Variants in SUMF1 observed in about 807,000 individuals in gnomAD.
SUMF1 encodes formylglycine-generating enzyme.
SUMF1 carries 48 observed loss-of-function variants against 47.6 expected under a neutral mutation model. The ratio of observed to expected loss-of-function variants is 1.01; its 90% CI spans 0.80 to 1.28. SUMF1 has a LOEUF of 1.28. Among genes scored for constraint, SUMF1 ranks in the 50% most tolerant of loss-of-function variants. The pLI, the probability that SUMF1 is intolerant of heterozygous loss-of-function variation, is 0.00. For synonymous variants in SUMF1, 230 were observed against 192.1 expected, an observed-to-expected ratio of 1.20 and a Z score of -1.63; for missense variants, 571 against 485.4, an observed-to-expected ratio of 1.18 and a Z score of -1.66.
intron 8 of SUMF1, among the ~76,000 whole-genome samples, chr3:4,294,983 T>G (rs1483064190): frequency 1.3e-5 from 2 of 152,186 alleles, no homozygotes; most frequent in African/African-American, 2.4e-5. Flanking sequence ...CTTACTGAGA[T>G]AATGAAAAAG....
intron 8 of SUMF1, among the ~76,000 whole-genome samples, chr3:4,284,452 G>GGAGGAGGAT: frequency 7.1e-6 from 1 of 141,096 alleles, no homozygotes; most frequent in African/African-American, 2.5e-5. Flanking sequence ...AGGAGGAGGA[G>GGAGGAGGAT]GAGGAGGAGG....
rs201516400 is a variant in SUMF1 at position 4,135,994 on chromosome 3, G to C, written c.1015-67249C>G. 1.2e-3 allele frequency among the ~76,000 whole-genome samples: 177 copies of C among 152,198 alleles called. 3 individuals carry two copies. The highest frequency in any genetic ancestry group is 1.2e-3 in the East Asian group (6 of 5,170). ...TAAAAGAGGATACAAACAAATGGAA[G>C]AACATTCCATGCTCATGAGTAGGAA... On this transcript the variant is annotated intron_variant and NMD_transcript_variant, in intron 8 of 12. Transcript: ENST00000448413.
intron 8 of SUMF1, among the ~76,000 whole-genome samples, chr3:4,249,659 A>G (rs13082951): frequency 2.0e-5 from 3 of 151,920 alleles, no homozygotes; most frequent in African/African-American, 7.3e-5. Flanking sequence ...AATTATGCCA[A>G]CTAATAACCC....
At chr3:4,365,171 G>A (rs1458744143) in intron 8 of SUMF1, among the ~76,000 whole-genome samples, 5 of 131,156 alleles carry the variant, frequency 3.8e-5, no homozygotes, top group Admixed American at 7.5e-5. Flanking sequence ...GTGGTGTGGT[G>A]CTGAAAAAAA....
chr3:4,369,393 T>G lies in SUMF1; in HGVS notation c.1014+6937A>C, dbSNP rs868481582. On this transcript the variant is annotated intron_variant, in intron 8 of 8. Transcript: ENST00000272902. ...CTAGAGGTGACCATGCAGGAAGACA[T>G]AGCAAAAGCCTCATTCCATGCAGGG... is the stretch of plus-strand genomic sequence containing the variant. Among the ~76,000 whole-genome samples the G allele has an allele frequency of 2.8e-4, 43 of 152,286 alleles. No homozygotes were observed. In the Middle Eastern group the frequency reaches 0.024, roughly 84 times the overall value.
intron 9 of SUMF1, among the ~76,000 whole-genome samples, chr3:4,048,253 T>A (rs1252614658): frequency 6.6e-6 from 1 of 152,164 alleles, no homozygotes; most frequent in African/African-American, 2.4e-5. Flanking sequence ...TCCTCTGCAT[T>A]GGTCATATAG....
At chr3:4,455,754 A>G (rs1423865084) in intron 1 of SUMF1, among the ~76,000 whole-genome samples, 2 of 152,130 alleles carry the variant, frequency 1.3e-5, no homozygotes, top group Admixed American at 1.3e-4. Flanking sequence ...TCCATCAAGA[A>G]AAGCCCAGAA....
intron 1 of SUMF1, among the ~76,000 whole-genome samples, chr3:4,464,692 C>A (rs1178245301): frequency 1.3e-5 from 2 of 152,104 alleles, no homozygotes; most frequent in African/African-American, 4.8e-5. Context: ...CAGAATTAGA[C>A]CAAAGTCATC....
chr3:4,427,910 T>G (rs760632378), intron 3 of SUMF1, among the ~76,000 whole-genome samples: 1 of 152,264 alleles, frequency 6.6e-6, no homozygotes, highest in African/African-American at 2.4e-5. Flanking sequence ...TCAGTTAAGA[T>G]CTGCATAATT....
At chr3:4,271,673 T>C (rs1278967090) in intron 8 of SUMF1, among the ~76,000 whole-genome samples, 1 of 152,126 alleles carries the variant, frequency 6.6e-6, no homozygotes, top group African/African-American at 2.4e-5. Context: ...AGCTAATTAA[T>C]TTTATTTTGT....
intron 8 of SUMF1, among the ~76,000 whole-genome samples, chr3:4,255,749 T>C (rs1484332900): frequency 1.6e-5 from 2 of 128,972 alleles, no homozygotes; most frequent in African/African-American, 6.4e-5. Flanking sequence ...TGAACTCAGC[T>C]CTGCACCAAG....
chr3:4,317,031 C>T (rs1162116526), intron 8 of SUMF1: 1 of 1,549,360 alleles, frequency 6.5e-7, no homozygotes, highest in Admixed American at 2.0e-5. Flanking sequence ...GCCTCATCCA[C>T]CGTATTCACC....
At chr3:4,187,105 C>T (rs562483449) in intron 8 of SUMF1, among the ~76,000 whole-genome samples, 2 of 152,216 alleles carry the variant, frequency 1.3e-5, no homozygotes, top group Non-Finnish European at 2.9e-5. Flanking sequence ...CACAATGGCT[C>T]ATGCCTATAA....
At position 4,467,221 on chromosome 3, in the gene SUMF1, C is replaced by T; in HGVS notation, c.25G>A (p.Val9Met). 1.2e-6 allele frequency: 2 copies of T among 1,611,536 alleles called. No individual in the cohort carries two copies. Among genetic ancestry groups the T allele is most frequent in the South Asian group, 1.1e-5 (1 of 90,554 alleles). Residue 9 changes from valine (V) to methionine (M), a missense_variant, in exon 1 of 9, where the codon GTG becomes ATG. By Grantham distance (21) the Val-to-Met change is conservative. Coordinates refer to ENST00000272902, the MANE Select transcript of SUMF1 (RefSeq NM_182760.4). ...CCCAGCTCAGGGCAACGTCCACACA[C>T]CAGCCCTAGTGCGGGCGCAGCCATG... MAAPALGLVCGRCPELGLV... is the reference protein window; with the variant it reads MAAPALGLMCGRCPELGLV...
chr3:4,184,784 G>T (rs1695167251), intron 8 of SUMF1, among the ~76,000 whole-genome samples: 1 of 151,566 alleles, frequency 6.6e-6, no homozygotes, highest in South Asian at 2.1e-4. Flanking sequence ...GAGTAGCTGG[G>T]ATTACAGGCA....
chr3:4,412,950 T>A (rs17040652), intron 6 of SUMF1, among the ~76,000 whole-genome samples: 1 of 152,092 alleles, frequency 6.6e-6, no homozygotes, highest in Non-Finnish European at 1.5e-5. Context: ...TCCAGACTTA[T>A]AGAGCACAGG....
At chr3:4,405,382 G>A (rs533105503) in intron 7 of SUMF1, among the ~76,000 whole-genome samples, 1 of 152,088 alleles carries the variant, frequency 6.6e-6, no homozygotes, top group Non-Finnish European at 1.5e-5. Flanking sequence ...TTTTTTGTGT[G>A]TATTTTGTTT....
intron 7 of SUMF1, among the ~76,000 whole-genome samples, chr3:4,408,092 T>C (rs1701429973): frequency 1.3e-5 from 2 of 152,172 alleles, no homozygotes; most frequent in African/African-American, 4.8e-5. Context: ...ATTTTTCACA[T>C]AAAATGTCTG....
intron 8 of SUMF1, among the ~76,000 whole-genome samples, chr3:4,244,877 A>T (rs1438603298): frequency 6.6e-6 from 1 of 151,864 alleles, no homozygotes; most frequent in Admixed American, 6.6e-5. Flanking sequence ...TACACCAGTC[A>T]AACATAGATT....
Sources: allele counts gnomAD v4.1 joint callset (sites outside exome capture counted in the v4.1 genomes callset), GRCh38; gene constraint gnomAD v4.1.1; transcripts MANE v1.5; gene names NCBI Gene and HGNC (gene_info 2026-07-23, HGNC 2026-07-21).